LRRC37A3: variants seen among roughly 807,000 people sequenced by gnomAD.
LRRC37A3 encodes the protein leucine rich repeat containing 37 member A3, also known as leucine-rich repeat-containing protein 37A3.
A neutral mutation model predicts 106.2 loss-of-function variants in LRRC37A3; 25 were observed. That is an observed-to-expected ratio of 0.24 (90% CI 0.17 to 0.33). The LOEUF (loss-of-function observed/expected upper bound fraction) is 0.33. Ranked by LOEUF, LRRC37A3 falls within the 10% of genes least tolerant of loss-of-function variation. The pLI, the probability that LRRC37A3 is intolerant of heterozygous loss-of-function variation, is 1.00. For missense variants in LRRC37A3, 712 were observed against 1,644.9 expected (o/e 0.43, Z 9.81); for synonymous variants, 305 against 635.8 (o/e 0.48, Z 7.83).
chr17:64,860,022 A>G lies in LRRC37A3; in HGVS notation c.4124T>C (p.Val1375Ala), dbSNP rs1972812552. 5 of 1,613,836 alleles carry G rather than the reference A, an allele frequency of 3.1e-6. No homozygotes were observed. Among genetic ancestry groups the G allele is most frequent in the Non-Finnish European group, 4.2e-6 (5 of 1,179,882 alleles). The change falls in exon 12 of 15, where the codon GTA becomes GCA. Residue 1375 changes from valine (V) to alanine (A), a missense_variant. Val to Ala is a moderately conservative substitution (Grantham distance 64). Transcript: ENST00000584306. ...TATAAAATGTTCTGAAGGAGCAGATACTTCCAGAAAAGGATTTTCTTGAGG... is the reference window on the plus strand; with the variant it reads ...TATAAAATGTTCTGAAGGAGCAGATGCTTCCAGAAAAGGATTTTCTTGAGG... The part of the protein sequence containing the change: ...LSPQENPFLE[V>A]SAPSEHFIEN...
chr17:64,883,176 TA>T (rs1389386939), intron 8 of LRRC37A3, among the ~76,000 whole-genome samples: 1 of 152,218 alleles, frequency 6.6e-6, no homozygotes, highest in African/African-American at 2.4e-5. Context: ...GCCCTGCAAA[TA>T]AATGTCCTCC....
chr17:64,885,448 C>A (rs1377581868), intron 8 of LRRC37A3, among the ~76,000 whole-genome samples: 1 of 114,042 alleles, frequency 8.8e-6, no homozygotes, highest in South Asian at 3.9e-4. Context: ...TGAGGTTTTG[C>A]CATGTTGGCC....
intron 2 of LRRC37A3, among the ~76,000 whole-genome samples, chr17:64,915,414 T>C (rs1286256663): frequency 6.6e-6 from 1 of 152,260 alleles, no homozygotes; most frequent in African/African-American, 2.4e-5. Context: ...ATTGATAATT[T>C]GTAAATTATG....
At chr17:64,861,477 G>C (rs1972868159) in intron 11 of LRRC37A3, among the ~76,000 whole-genome samples, 1 of 152,208 alleles carries the variant, frequency 6.6e-6, no homozygotes, top group African/African-American at 2.4e-5. Context: ...CTAAAGTGGA[G>C]GCCCCCTCCC....
intron 8 of LRRC37A3, among the ~76,000 whole-genome samples, chr17:64,876,357 A>AT (rs1057022461): frequency 2.0e-4 from 30 of 151,676 alleles, no homozygotes; most frequent in Non-Finnish European, 3.8e-4. Context: ...TAACTTTTAA[A>AT]TTTTTTTTGT....
chr17:64,866,589 CATAT>C lies in LRRC37A3; in HGVS notation c.3053+1869_3053+1872del, dbSNP rs1212670512. On this transcript the variant is annotated intron_variant, in intron 10 of 14. Transcript: ENST00000584306. Reference sequence around the variant, plus strand: ...ATATATATATACATATATACACGTACATATATATATATATATATATATATATATA... The same window carrying C: ...ATATATATATACATATATACACGTACATATATATATATATATATATATATA... 7.2e-3 allele frequency among the ~76,000 whole-genome samples: 174 copies of C among 24,124 alleles called. 2 individuals carry two copies. Among genetic ancestry groups the C allele is most frequent in the South Asian group, 9.0e-3 (3 of 332 alleles). The allele number at this position is 24,124 out of a possible 152,430, so 15.8% of individuals were successfully genotyped here.
rs1239765264 is a variant in LRRC37A3, at chr17:64,860,789, T to C, written c.3357A>G (p.Thr1119=). 3 of 1,614,152 alleles carry C rather than the reference T, an allele frequency of 1.9e-6. No individual in the cohort carries two copies. Among genetic ancestry groups the C allele is most frequent in the Middle Eastern group, 3.3e-4 (2 of 6,062 alleles). ...DTNDESDVTS[T]LSYILPYFSA... Reference sequence around the variant, plus strand: ...AGAAATAAGGTAAGATGTAACTTAGTGTACTGGTAACATCACTCTCGTCAT... The same window carrying C: ...AGAAATAAGGTAAGATGTAACTTAGCGTACTGGTAACATCACTCTCGTCAT... The change falls in exon 12 of 15, where the codon ACA becomes ACG. Residue 1119 remains threonine (T), a synonymous_variant. Transcript: ENST00000584306.
At chr17:64,868,680 T>C in intron 9 of LRRC37A3, 144 bp from the exon 10 acceptor site, 1 of 1,218,090 alleles carries the variant, frequency 8.2e-7, no homozygotes, top group East Asian at 2.4e-5. Context: ...ATTAAAGAAA[T>C]TAAAGTTGAT....
intron 13 of LRRC37A3, among the ~76,000 whole-genome samples, chr17:64,858,037 C>T (rs912806241): frequency 2.0e-5 from 3 of 152,176 alleles, no homozygotes; most frequent in Admixed American, 6.5e-5. Context: ...CTCCAGGAAT[C>T]GGCACTGTAA....
At chr17:64,857,872 C>G (rs1305262654) in intron 13 of LRRC37A3, among the ~76,000 whole-genome samples, 1 of 152,126 alleles carries the variant, frequency 6.6e-6, no homozygotes, top group Non-Finnish European at 1.5e-5. Flanking sequence ...GGGCTGGCTG[C>G]CACAATCATG....
chr17:64,917,494 G>A (rs2665142), intron 2 of LRRC37A3, among the ~76,000 whole-genome samples: 42 of 152,020 alleles, frequency 2.8e-4, no homozygotes, highest in African/African-American at 1.0e-3. Context: ...TTATTCATAG[G>A]TGCCACAAAC....
At position 64,919,343 on chromosome 17, in the gene LRRC37A3, G is replaced by C. The variant is rs1363123474; in HGVS notation, c.-617+88C>G. The C allele has an allele frequency of 1.8e-4, 72 of 391,114 alleles. No individual in the cohort carries two copies. In the East Asian group the frequency reaches 3.1e-3, roughly 17 times the overall value. 24.2% of individuals were successfully genotyped at this position (391,114 alleles called of 1,614,324 possible). On this transcript the variant is annotated intron_variant, in intron 1 of 14. Transcript: ENST00000584306. ...GCAGTGGGGGCGGCCGGGGCCGGGT[G>C]GGGAGGCCAGAGGGGCAGGGCAGGA... is the stretch of plus-strand genomic sequence containing the variant.
In LRRC37A3 at chr17:64,869,111, G is replaced by A. The variant is rs76578194; in HGVS notation, c.2962C>T (p.Pro988Ser). The change falls in exon 9 of 15, where the codon CCA becomes TCA. Residue 988 changes from proline (P) to serine (S), a missense_variant. Physicochemically the swap from Pro to Ser is moderately conservative, Grantham distance 74. Coordinates refer to ENST00000584306, the MANE Select transcript of LRRC37A3 (RefSeq NM_199340.5). The stretch of plus-strand genomic sequence containing the variant: ...AGTACTTACAGATATTTTAATGCTG[G>A]CAATTTAAAGAGATATGGATCTTCA... ...TVEDPYLFKLPALKYLDMGTT... is the reference protein window; with the variant it reads ...TVEDPYLFKLSALKYLDMGTT... The A allele has an allele frequency of 6.2e-7, 1 of 1,612,140 alleles. No individual in the cohort carries two copies. Among genetic ancestry groups the A allele is most frequent in the Middle Eastern group, 1.7e-4 (1 of 6,038 alleles).
Position 64,910,637 on chromosome 17 carries a change from C to CTTTTT in LRRC37A3, c.-496+8108_-496+8112dup, listed in dbSNP as rs926231139. 2.2e-3 allele frequency among the ~76,000 whole-genome samples: 215 copies of CTTTTT among 96,460 alleles called. 2 individuals are homozygous for CTTTTT. The highest frequency in any genetic ancestry group is 4.1e-3 in the African/African-American group (94 of 22,766). 63.3% of individuals were successfully genotyped at this position (96,460 alleles called of 152,430 possible). On this transcript the variant is annotated intron_variant, in intron 2 of 14. Coordinates refer to ENST00000584306, the MANE Select transcript of LRRC37A3 (RefSeq NM_199340.5). The stretch of plus-strand genomic sequence containing the variant: ...AGGAAGAAGAGTAACATTGTCCCCC[C>CTTTTT]TTTTTTTTTTTTTTTTTTTTTTTTT...
chr17:64,874,619 G>A (rs1463748192), intron 8 of LRRC37A3, among the ~76,000 whole-genome samples: 8 of 152,152 alleles, frequency 5.3e-5, no homozygotes, highest in East Asian at 1.9e-4. Flanking sequence ...CATTGAGAAC[G>A]GGCCATGATG....
intron 2 of LRRC37A3, chr17:64,909,808 T>C (rs961403761): frequency 5.9e-5 from 9 of 152,154 alleles, no homozygotes; most frequent in Admixed American, 5.2e-4. Flanking sequence ...TCTGCATGAA[T>C]TCTGAAGAAA....
At chr17:64,873,406 A>T (rs1249051600) in intron 8 of LRRC37A3, among the ~76,000 whole-genome samples, 3 of 152,146 alleles carry the variant, frequency 2.0e-5, no homozygotes, top group Non-Finnish European at 2.9e-5. Context: ...CCTCAACCTC[A>T]GCCTCAGCCT....
chr17:64,862,033 T>C (rs1407041886), intron 11 of LRRC37A3, among the ~76,000 whole-genome samples: 1 of 151,980 alleles, frequency 6.6e-6, no homozygotes, highest in Non-Finnish European at 1.5e-5. Flanking sequence ...ATCTTGTTTT[T>C]CCTCATCTGT....
rs1972771090 is a variant in LRRC37A3 at position 64,858,902 on chromosome 17, G to C, written c.4705-19C>G. ...TTGTGAACTAAAAAAAAAAAAACCAGAATGAGAGCTAACTATTCAAAACCC... is the reference window on the plus strand; with the variant it reads ...TTGTGAACTAAAAAAAAAAAAACCACAATGAGAGCTAACTATTCAAAACCC... On this transcript the variant is annotated intron_variant, in intron 12 of 14. Coordinates refer to ENST00000584306, the MANE Select transcript of LRRC37A3 (RefSeq NM_199340.5). 7.1e-7 allele frequency: 1 copy of C among 1,407,584 alleles called. No homozygotes were observed. The highest frequency in any genetic ancestry group is 1.4e-5 in the African/African-American group (1 of 69,498). 87.2% of individuals were successfully genotyped at this position (1,407,584 alleles called of 1,614,324 possible).
Sources: allele counts gnomAD v4.1 joint callset (sites outside exome capture counted in the v4.1 genomes callset), GRCh38; gene constraint gnomAD v4.1.1; transcripts MANE v1.5; gene names NCBI Gene and HGNC (gene_info 2026-07-23, HGNC 2026-07-21).